The following MGAT4C variants were observed in gnomAD, a reference collection of about 807,000 sequenced individuals.
The protein encoded by MGAT4C is MGAT4 family member C.
Under a neutral mutation model 40.1 loss-of-function variants are expected in MGAT4C, and 19 were observed. The observed-to-expected ratio is 0.47, with a 90% CI of 0.33 to 0.70. The LOEUF (loss-of-function observed/expected upper bound fraction) is 0.70. MGAT4C is among the 30% of genes least tolerant of loss of function. The pLI, the probability that MGAT4C is intolerant of heterozygous loss-of-function variation, is 0.02. For synonymous variants in MGAT4C, 181 were observed against 187.1 expected, an observed-to-expected ratio of 0.97 and a Z score of 0.27; for missense variants, 491 against 563.2, an observed-to-expected ratio of 0.87 and a Z score of 1.30.
chr12:86,217,216 C>T (rs950926944), intron 1 of MGAT4C, among the ~76,000 whole-genome samples: 20 of 152,080 alleles, frequency 1.3e-4, no homozygotes, highest in African/African-American at 2.4e-5. Context: ...ACTCTGTCAC[C>T]TAGACTGGAG....
chr12:86,467,674 G>T (rs1259945800), intron 2 of MGAT4C, among the ~76,000 whole-genome samples: 1 of 152,090 alleles, frequency 6.6e-6, no homozygotes, highest in Non-Finnish European at 1.5e-5. Context: ...ATTGATAACA[G>T]CTTTGATTGA....
At chr12:86,621,560 C>T (rs970617225) in intron 2 of MGAT4C, among the ~76,000 whole-genome samples, 3 of 152,102 alleles carry the variant, frequency 2.0e-5, no homozygotes, top group African/African-American at 4.8e-5. Context: ...CTCACTGCAT[C>T]CTTGATTTCT....
intron 3 of MGAT4C, among the ~76,000 whole-genome samples, chr12:86,338,697 C>T (rs996327830): frequency 1.3e-5 from 2 of 152,076 alleles, no homozygotes; most frequent in Non-Finnish European, 1.5e-5. Context: ...CAGTGGCTGA[C>T]GCCTTTAATC....
chr12:86,761,971 T>A (rs1182222015), intron 1 of MGAT4C, among the ~76,000 whole-genome samples: 1 of 152,128 alleles, frequency 6.6e-6, no homozygotes, highest in Non-Finnish European at 1.5e-5. Context: ...CAGGGGGGCA[T>A]TATTTAGCCT....
chr12:86,157,378 A>C (rs935228067), intron 1 of MGAT4C, among the ~76,000 whole-genome samples: 2 of 152,176 alleles, frequency 1.3e-5, no homozygotes, highest in East Asian at 1.9e-4. Context: ...TCTTTAAGTG[A>C]AATAATTCAA....
At chr12:86,220,391 A>G (rs987070715) in intron 1 of MGAT4C, among the ~76,000 whole-genome samples, 2 of 152,234 alleles carry the variant, frequency 1.3e-5, no homozygotes, top group African/African-American at 2.4e-5. Context: ...AATGTTACAT[A>G]TGGCATGTTA....
chr12:86,485,455 T>C (rs1176417036), intron 2 of MGAT4C, among the ~76,000 whole-genome samples: 1 of 151,938 alleles, frequency 6.6e-6, no homozygotes, highest in African/African-American at 2.4e-5. Context: ...GTAGCATAAA[T>C]AGCAGAATAG....
chr12:86,003,966 T>C (rs990476901), intron 2 of MGAT4C, among the ~76,000 whole-genome samples: 2 of 152,158 alleles, frequency 1.3e-5, no homozygotes, highest in South Asian at 4.1e-4. Flanking sequence ...CCATTGGCCT[T>C]GATTATTTAA....
chr12:86,590,629 C>T (rs749127740), intron 2 of MGAT4C, among the ~76,000 whole-genome samples: 6 of 151,800 alleles, frequency 4.0e-5, no homozygotes, highest in Non-Finnish European at 7.4e-5. Context: ...TAATTAACAG[C>T]AATGTGATTA....
intron 2 of MGAT4C, among the ~76,000 whole-genome samples, chr12:86,586,758 A>T (rs1961060620): frequency 1.3e-5 from 2 of 151,084 alleles, no homozygotes; most frequent in South Asian, 4.2e-4. Flanking sequence ...TCTTTTGAGA[A>T]GTGCCTGTTT....
At chr12:86,659,687 C>T (rs1483876153) in intron 2 of MGAT4C, among the ~76,000 whole-genome samples, 4 of 152,008 alleles carry the variant, frequency 2.6e-5, no homozygotes, top group Non-Finnish European at 5.9e-5. Flanking sequence ...AGACTTAGCT[C>T]CTCTCTTTTT....
At chr12:86,456,309 G>C (rs113324094) in intron 2 of MGAT4C, among the ~76,000 whole-genome samples, 2 of 152,030 alleles carry the variant, frequency 1.3e-5, no homozygotes, top group Non-Finnish European at 1.5e-5. Context: ...GGCAGCGGAA[G>C]AGCCACATAA....
chr12:86,125,362 C>CA, intron 1 of MGAT4C, among the ~76,000 whole-genome samples: 1 of 152,202 alleles, frequency 6.6e-6, no homozygotes, highest in South Asian at 2.1e-4. Context: ...AAAGGTATAG[C>CA]AAAAAGTAAA....
intron 2 of MGAT4C, among the ~76,000 whole-genome samples, chr12:86,462,934 T>C (rs1383087894): frequency 6.6e-6 from 1 of 151,462 alleles, no homozygotes; most frequent in Non-Finnish European, 1.5e-5. Context: ...TCCTTTTTGG[T>C]GACACTCTCA....
chr12:85,971,693 C>T lies in MGAT4C; in HGVS notation c.*7596G>A, dbSNP rs1291465071. The T allele has an allele frequency of 1.3e-5, 2 of 151,094 alleles. No individual in the cohort carries two copies. Among genetic ancestry groups the T allele is most frequent in the African/African-American group, 4.8e-5 (2 of 41,328 alleles). The allele number at this position is 151,094 out of a possible 1,614,324, so 9.4% of individuals were successfully genotyped here. ...TCTCAGGGAGTCAAGTTTTGATTTG[C>T]TTGAATACAAGCAAGTCGAGCTATG... On this transcript the variant is annotated 3_prime_UTR_variant, in exon 5 of 5. Transcript: ENST00000611864.
intron 2 of MGAT4C, among the ~76,000 whole-genome samples, chr12:86,620,790 T>A (rs1962611956): frequency 6.6e-6 from 1 of 152,144 alleles, no homozygotes. Flanking sequence ...TTTCCCTTAT[T>A]CTTCTTGTGG....
intron 1 of MGAT4C, among the ~76,000 whole-genome samples, chr12:86,119,423 CCTTTTTTTT>C (rs1234980262): frequency 1.3e-5 from 2 of 151,872 alleles, no homozygotes; most frequent in African/African-American, 4.8e-5. Flanking sequence ...TATTTTTCTT[CCTTTTTTTT>C]CTTTTTTTCT....
intron 2 of MGAT4C, among the ~76,000 whole-genome samples, chr12:86,024,522 A>G (rs1347535116): frequency 6.6e-6 from 1 of 151,824 alleles, no homozygotes; most frequent in East Asian, 1.9e-4. Context: ...TTTATAGAAG[A>G]TATAATTTTC....
At chr12:86,487,606 C>A (rs1955399) in intron 2 of MGAT4C, among the ~76,000 whole-genome samples, 98,891 of 152,068 alleles carry the variant, frequency 0.65, 32,971 homozygotes, top group South Asian at 0.79. Flanking sequence ...TGAAGATTTT[C>A]TATTTCTAAC....
Sources: allele counts gnomAD v4.1 joint callset (sites outside exome capture counted in the v4.1 genomes callset), GRCh38; gene constraint gnomAD v4.1.1; transcripts MANE v1.5; gene names NCBI Gene and HGNC (gene_info 2026-07-23, HGNC 2026-07-21).